The following EMC1 variants were observed in gnomAD, a reference collection of about 807,000 sequenced individuals.
EMC1 encodes KIAA0090.
EMC1 carries 103 observed loss-of-function variants against 128.8 expected under a neutral mutation model. That is an observed-to-expected ratio of 0.80 (90% confidence interval 0.68 to 0.94). EMC1 has a LOEUF of 0.94. Ranked by LOEUF, EMC1 falls within the 40% of genes least tolerant of loss-of-function variation. The pLI is 0.00. For synonymous variants in EMC1, 442 were observed against 490.4 expected, an observed-to-expected ratio of 0.90 and a Z score of 1.30; for missense variants, 1,083 against 1,250.6, an observed-to-expected ratio of 0.87 and a Z score of 2.02.
At chr1:19,248,370 G>A (rs1260783939) in intron 1 of EMC1, among the ~76,000 whole-genome samples, 1 of 151,708 alleles carries the variant, frequency 6.6e-6, no homozygotes. Context: ...GCTAATTTTT[G>A]TATGCTTTGC....
At position 19,223,497 on chromosome 1, in the gene EMC1, T is replaced by C. The variant is rs865962295; in HGVS notation, c.2275A>G (p.Ile759Val). ...CCAGTGACGCCATCAATGAGGAAGA[T>C]GCCAATAAAGGTGCGCTCATGGTGC... Reference protein sequence around the residue: ...DAHHERTFIGIFLIDGVTGRI... With the variant: ...DAHHERTFIGVFLIDGVTGRI... The change falls in exon 19 of 23, where the codon ATC becomes GTC. Residue 759 changes from isoleucine (I) to valine (V), a missense_variant. This residue lies in a region of EMC1 where 527 missense variants were observed against 644.1 expected (regional missense o/e 0.82). Coordinates refer to ENST00000477853, the MANE Select transcript of EMC1 (RefSeq NM_015047.3). 2 of 1,614,126 alleles carry C rather than the reference T, an allele frequency of 1.2e-6. No homozygotes were observed. Among genetic ancestry groups the C allele is most frequent in the Middle Eastern group, 3.3e-4 (2 of 6,062 alleles).
At chr1:19,241,577 C>T (rs6664014) in intron 5 of EMC1, among the ~76,000 whole-genome samples, 43,211 of 151,964 alleles carry the variant, frequency 0.28, 6,823 homozygotes, top group East Asian at 0.6. Context: ...TGCAGTGGTG[C>T]GATCACGGCT....
rs1160056979 is a variant in EMC1 at position 19,230,919 on chromosome 1, A to C, written c.1989T>G (p.His663Gln). 1 of 1,614,210 alleles carries C rather than the reference A, an allele frequency of 6.2e-7. No homozygotes were observed. The highest frequency in any genetic ancestry group is 1.3e-5 in the African/African-American group (1 of 75,072). ...PATRNVLRQLHELAPSIFFYL... is the reference protein window; with the variant it reads ...PATRNVLRQLQELAPSIFFYL... ...AGAAGAAGATGGAAGGGGCAAGCTC[A>C]TGTAGCTGTCGCAAGACATTCCGAG... Residue 663 changes from histidine (H) to glutamine (Q), a missense_variant, in exon 17 of 23, where the codon CAT becomes CAG. Coordinates refer to ENST00000477853, the MANE Select transcript of EMC1 (RefSeq NM_015047.3).
chr1:19,227,641 C>T (rs41307870), intron 17 of EMC1, among the ~76,000 whole-genome samples, 191 bp from the exon 18 acceptor site: 6,540 of 151,710 alleles, frequency 0.043, 218 homozygotes, highest in Non-Finnish European at 0.062. Context: ...CCAAGGCGGG[C>T]GGATCACTTG....
Position 19,237,046 on chromosome 1 carries a change from C to T in EMC1, c.1309+96G>A, listed in dbSNP as rs187224205. 5,053 of 766,446 alleles carry T rather than the reference C, an allele frequency of 6.6e-3. 27 individuals are homozygous for T. The highest frequency in any genetic ancestry group is 9.3e-3 in the Non-Finnish European group (4,089 of 437,978). 47.5% of individuals were successfully genotyped at this position (766,446 alleles called of 1,614,324 possible). On this transcript the variant is annotated intron_variant, in intron 12 of 22. Coordinates refer to ENST00000477853, the MANE Select transcript of EMC1 (RefSeq NM_015047.3). ...CTCAGGGCACACTCCACTTGAATCT[C>T]TTCCAGAAACCTGCAGCCTCCCAAA...
intron 6 of EMC1, 57 bp from the exon 7 acceptor site, chr1:19,240,503 C>A (rs2093598981): frequency 6.3e-7 from 1 of 1,589,248 alleles, no homozygotes. Context: ...ATTTCCCTCT[C>A]AGCCCAACAG....
intron 1 of EMC1, 55 bp downstream of exon 1, chr1:19,251,360 A>G (rs2093658348): frequency 6.8e-7 from 1 of 1,467,566 alleles, no homozygotes. Flanking sequence ...CAGGTAGGAG[A>G]CAGGTACTGG....
At chr1:19,223,971 C>G (rs1257501161) in intron 18 of EMC1, among the ~76,000 whole-genome samples, 2 of 152,198 alleles carry the variant, frequency 1.3e-5, no homozygotes, top group African/African-American at 4.8e-5. Context: ...CACCCCCCTC[C>G]CCATCGCTAA....
rs2093407810 is a variant in EMC1, at chr1:19,218,434, G to A, written c.*869C>T. ...TATTAAAAACTAAAAATAAATAATGGGGTTCTTAAACAAGGACATCTTTAA... is the reference window on the plus strand; with the variant it reads ...TATTAAAAACTAAAAATAAATAATGAGGTTCTTAAACAAGGACATCTTTAA... On this transcript the variant is annotated 3_prime_UTR_variant, in exon 23 of 23. Coordinates refer to ENST00000477853, the MANE Select transcript of EMC1 (RefSeq NM_015047.3). The A allele has an allele frequency of 6.6e-6, 1 of 152,096 alleles. No individual in the cohort carries two copies. Among genetic ancestry groups the A allele is most frequent in the African/African-American group, 2.4e-5 (1 of 41,400 alleles). The allele number at this position is 152,096 out of a possible 1,614,324, so 9.4% of individuals were successfully genotyped here. A position where few individuals can be genotyped will look rare whatever the true frequency, so the allele number is the denominator to read the frequency against.
chr1:19,239,617 T>C, intron 8 of EMC1: 1 of 603,502 alleles, frequency 1.7e-6, no homozygotes, highest in Non-Finnish European at 2.9e-6. Flanking sequence ...AGTTTTGCTC[T>C]AAAGATCCTT....
chr1:19,249,364 C>T (rs536727043), intron 1 of EMC1, among the ~76,000 whole-genome samples: 1 of 152,224 alleles, frequency 6.6e-6, no homozygotes, highest in South Asian at 2.1e-4. Flanking sequence ...CTTTCATATC[C>T]TATTTTTACC....
chr1:19,242,284 G>A, intron 5 of EMC1, 61 bp downstream of exon 5: 1 of 1,598,200 alleles, frequency 6.3e-7, no homozygotes, highest in Non-Finnish European at 8.6e-7. Context: ...CCCTCGAGGA[G>A]AAAGAGGAGC....
chr1:19,238,521 G>GTAC (rs1224955333), intron 10 of EMC1, among the ~76,000 whole-genome samples: 1 of 152,184 alleles, frequency 6.6e-6, no homozygotes, highest in African/African-American at 2.4e-5. Context: ...ACTGCACAGA[G>GTAC]TACTACTCAA....
Position 19,215,844 on chromosome 1 carries a change from A to C in EMC1, c.*3459T>G, listed in dbSNP as rs964707926. The C allele has an allele frequency of 6.6e-6, 1 of 151,920 alleles. No homozygotes were observed. Among genetic ancestry groups the C allele is most frequent in the African/African-American group, 2.4e-5 (1 of 41,336 alleles). 9.4% of individuals were successfully genotyped at this position (151,920 alleles called of 1,614,324 possible). A position where few individuals can be genotyped will look rare whatever the true frequency, so the allele number is the denominator to read the frequency against. ...CAGGCATGCACCACCACACCTGGCT[A>C]AATTTTTTTATTTTTTTGGTAGAGA... is the stretch of plus-strand genomic sequence containing the variant. On this transcript the variant is annotated 3_prime_UTR_variant, in exon 23 of 23. Transcript: ENST00000477853.
At chr1:19,239,139 A>G in intron 9 of EMC1, 92 bp downstream of exon 9, 1 of 1,223,428 alleles carries the variant, frequency 8.2e-7, no homozygotes, top group East Asian at 2.3e-5. Flanking sequence ...CAAACTGACC[A>G]GGTCAATGTG....
At chr1:19,239,359 T>C in intron 8 of EMC1, 57 bp from the exon 9 acceptor site, 2 of 1,490,086 alleles carry the variant, frequency 1.3e-6, no homozygotes, top group Non-Finnish European at 9.4e-7. Context: ...CCAGCTGCCT[T>C]ACAGAGGGTC....
chr1:19,243,993 G>A lies in EMC1; in HGVS notation c.243C>T (p.Gly81=), dbSNP rs2093620245. The change falls in exon 3 of 23, where the codon GGC becomes GGT. Residue 81 remains glycine (G), a synonymous_variant. Coordinates refer to ENST00000477853, the MANE Select transcript of EMC1 (RefSeq NM_015047.3). Reference sequence around the variant, plus strand: ...TGGCATCCACAGCCCCTTCTGCCGTGCCCTTGTCAACATGGCGCCACACTG... The same window carrying A: ...TGGCATCCACAGCCCCTTCTGCCGTACCCTTGTCAACATGGCGCCACACTG... ...GEILWRHVDK[G]TAEGAVDAML... 4.3e-6 allele frequency: 7 copies of A among 1,614,116 alleles called. No homozygotes were observed. The highest frequency in any genetic ancestry group is 5.9e-6 in the Non-Finnish European group (7 of 1,180,026).
chr1:19,219,000 C>CAAAAA lies in EMC1; in HGVS notation c.*302_*303insTTTTT. 1 of 249,168 alleles carries CAAAAA rather than the reference C, an allele frequency of 4.0e-6. No homozygotes were observed. Among genetic ancestry groups the CAAAAA allele is most frequent in the Non-Finnish European group, 7.7e-6 (1 of 129,564 alleles). The allele number at this position is 249,168 out of a possible 1,614,324, so 15.4% of individuals were successfully genotyped here. A position where few individuals can be genotyped will look rare whatever the true frequency, so the allele number is the denominator to read the frequency against. The stretch of plus-strand genomic sequence containing the variant: ...GGAATTCTTATTAAAAAAAACAAAA[C>CAAAAA]AGAACATTCATGGATGGGCAAAGAA... On this transcript the variant is annotated 3_prime_UTR_variant, in exon 23 of 23. Coordinates refer to ENST00000477853, the MANE Select transcript of EMC1 (RefSeq NM_015047.3).
chr1:19,241,546 ACT>A (rs2093605990), intron 5 of EMC1, among the ~76,000 whole-genome samples: 1 of 151,804 alleles, frequency 6.6e-6, no homozygotes, highest in African/African-American at 2.4e-5. Context: ...ACAGCGTCTC[ACT>A]CTGTCACCCA....
Sources: gnomAD v4.1 joint callset for allele counts (sites outside exome capture counted in the v4.1 genomes callset) on GRCh38, gnomAD v4.1.1 for gene constraint, gnomAD v4.1.1 regional missense constraint, MANE v1.5 for transcripts, NCBI Gene and HGNC (gene_info 2026-07-23, HGNC 2026-07-21) for gene names.